Variants in ECHDC1 observed in about 807,000 individuals in gnomAD.
ECHDC1 encodes ethylmalonyl-CoA decarboxylase 1.
Under a neutral mutation model 29.7 loss-of-function variants are expected in ECHDC1, and 29 were observed. The observed-to-expected ratio is 0.98, with a 90% confidence interval of 0.73 to 1.33. The LOEUF is 1.33. ECHDC1 is among the 40% of genes most tolerant of loss of function. ECHDC1 has a pLI of 0.00. For synonymous variants in ECHDC1, 126 were observed against 123.1 expected (o/e 1.02, Z -0.15); for missense variants, 328 against 350.0 (o/e 0.94, Z 0.50).
intron 5 of ECHDC1, among the ~76,000 whole-genome samples, chr6:127,296,537 G>A (rs1293121436): frequency 6.6e-6 from 1 of 151,918 alleles, no homozygotes; most frequent in Non-Finnish European, 1.5e-5. Flanking sequence ...AACAAGCTGA[G>A]CAAATATATG....
At chr6:127,326,883 T>C (rs1783392229) in intron 3 of ECHDC1, 119 bp downstream of exon 3, 1 of 1,206,916 alleles carries the variant, frequency 8.3e-7, no homozygotes, top group Non-Finnish European at 1.1e-6. Flanking sequence ...AACCAAAAAA[T>C]CCCCATAATC....
chr6:127,313,405 G>T, intron 5 of ECHDC1: 1 of 309,878 alleles, frequency 3.2e-6, no homozygotes, highest in Admixed American at 3.9e-5. Context: ...GTTTCACCAT[G>T]TTGGCCAGGC....
chr6:127,321,003 C>T (rs1782783477), intron 3 of ECHDC1, among the ~76,000 whole-genome samples: 1 of 152,060 alleles, frequency 6.6e-6, no homozygotes, highest in African/African-American at 2.4e-5. Flanking sequence ...TCTGCTTTTA[C>T]CTGTATTTTG....
At chr6:127,342,492 A>G (rs1785040768) in intron 1 of ECHDC1, 3 of 967,016 alleles carry the variant, frequency 3.1e-6, no homozygotes, top group Admixed American at 2.9e-5. Context: ...CGCCCGTTCT[A>G]TTACTGCGCT....
intron 1 of ECHDC1, among the ~76,000 whole-genome samples, chr6:127,335,530 T>C (rs1784353870): frequency 6.6e-6 from 1 of 152,140 alleles, no homozygotes. Context: ...CTTGCCATCA[T>C]AAATCTTTGA....
intron 3 of ECHDC1, among the ~76,000 whole-genome samples, chr6:127,321,363 A>T (rs1782810575): frequency 6.6e-6 from 1 of 152,214 alleles, no homozygotes; most frequent in Non-Finnish European, 1.5e-5. Context: ...TATATGTTGC[A>T]GCTGTAACTC....
intron 5 of ECHDC1, among the ~76,000 whole-genome samples, chr6:127,299,856 T>C (rs1215073504): frequency 6.6e-6 from 1 of 152,216 alleles, no homozygotes; most frequent in Non-Finnish European, 1.5e-5. Context: ...CAATTTTTTA[T>C]CTTTTATACA....
chr6:127,342,328 T>C, intron 1 of ECHDC1: 1 of 1,539,686 alleles, frequency 6.5e-7, no homozygotes, highest in Non-Finnish European at 8.8e-7. Context: ...ACTCTCCAAC[T>C]ACCCTGTTTA....
intron 5 of ECHDC1, among the ~76,000 whole-genome samples, chr6:127,311,514 A>G (rs1444549737): frequency 1.3e-5 from 2 of 151,760 alleles, no homozygotes; most frequent in Non-Finnish European, 2.9e-5. Context: ...ATCTCTACTA[A>G]AAGTACAAAA....
At chr6:127,333,084 C>T (rs1389191308) in intron 1 of ECHDC1, among the ~76,000 whole-genome samples, 3 of 152,178 alleles carry the variant, frequency 2.0e-5, no homozygotes, top group Admixed American at 6.5e-5. Context: ...TGAGCCACCA[C>T]GCCCAGCCCA....
intron 2 of ECHDC1, among the ~76,000 whole-genome samples, chr6:127,327,663 G>A (rs977771477): frequency 6.6e-6 from 1 of 152,130 alleles, no homozygotes; most frequent in Non-Finnish European, 1.5e-5. Flanking sequence ...GAGGAAATGA[G>A]TAATAAATAC....
chr6:127,330,726 T>C, intron 2 of ECHDC1, 83 bp downstream of exon 2: 6 of 1,183,632 alleles, frequency 5.1e-6, no homozygotes, highest in Non-Finnish European at 7.2e-6. Flanking sequence ...TAAAACATTC[T>C]GTCACCACAG....
intron 5 of ECHDC1, among the ~76,000 whole-genome samples, chr6:127,307,855 A>G (rs1281861829): frequency 2.0e-5 from 3 of 152,012 alleles, no homozygotes; most frequent in Non-Finnish European, 4.4e-5. Context: ...ATTAGTGGCT[A>G]CAATGAGCAA....
rs3798854 is a variant in ECHDC1 at position 127,315,876 on chromosome 6, A to C, written c.416+574T>G. The C allele has an allele frequency of 4.0e-4, 179 of 445,910 alleles. 1 individual carries two copies. The East Asian group carries it at 0.012, about 29-fold the overall frequency. 27.6% of individuals were successfully genotyped at this position (445,910 alleles called of 1,614,324 possible). A position where few individuals can be genotyped will look rare whatever the true frequency, so the allele number is the denominator to read the frequency against. Reference sequence around the variant, plus strand: ...TAATTTTAAATTTGTCTACATTCGGAATGTGAAAGTAGAAAGCTAATCAAC... The same window carrying C: ...TAATTTTAAATTTGTCTACATTCGGCATGTGAAAGTAGAAAGCTAATCAAC... On this transcript the variant is annotated intron_variant, in intron 4 of 5. Coordinates refer to ENST00000454859, the MANE Select transcript of ECHDC1 (RefSeq NM_001002030.2).
At chr6:127,306,395 A>G (rs1781442083) in intron 5 of ECHDC1, among the ~76,000 whole-genome samples, 2 of 152,136 alleles carry the variant, frequency 1.3e-5, no homozygotes, top group South Asian at 4.2e-4. Context: ...TACGGTTTGG[A>G]TTTGGGTCCT....
At position 127,288,841 on chromosome 6, in the gene ECHDC1, T is replaced by TAACTC. The variant is rs1779848594; in HGVS notation, c.*1023_*1027dup. ...GTGAGTCTGTCTAACCATATTTTCC[T>TAACTC]AACTCAACAGTAGGATCATGATGGT... On this transcript the variant is annotated 3_prime_UTR_variant, in exon 6 of 6. Coordinates refer to ENST00000454859, the MANE Select transcript of ECHDC1 (RefSeq NM_001002030.2). The TAACTC allele has an allele frequency of 6.6e-6, 1 of 152,104 alleles. No homozygotes were observed. The highest frequency in any genetic ancestry group is 6.6e-5 in the Admixed American group (1 of 15,256). The allele number at this position is 152,104 out of a possible 1,614,324, so 9.4% of individuals were successfully genotyped here.
At chr6:127,313,176 T>C (rs781355354) in intron 5 of ECHDC1, 1 of 154,524 alleles carries the variant, frequency 6.5e-6, no homozygotes, top group Non-Finnish European at 1.4e-5. Context: ...CATTTTATTG[T>C]ATATAATTTG....
chr6:127,340,908 C>T (rs1784883803), intron 1 of ECHDC1, among the ~76,000 whole-genome samples: 1 of 152,256 alleles, frequency 6.6e-6, no homozygotes, highest in East Asian at 1.9e-4. Flanking sequence ...GGTCTGTCTG[C>T]TCTGTCTTGA....
At chr6:127,311,066 G>A (rs1186663691) in intron 5 of ECHDC1, among the ~76,000 whole-genome samples, 3 of 151,978 alleles carry the variant, frequency 2.0e-5, no homozygotes, top group Non-Finnish European at 4.4e-5. Flanking sequence ...ACTTATATAC[G>A]CACTGGGAAA....
Sources: allele counts gnomAD v4.1 joint callset (sites outside exome capture counted in the v4.1 genomes callset), GRCh38; gene constraint gnomAD v4.1.1; transcripts MANE v1.5; gene names NCBI Gene and HGNC (gene_info 2026-07-23, HGNC 2026-07-21).